Variants in KIF3C observed in about 807,000 individuals in gnomAD.
The protein encoded by KIF3C is kinesin family member 3C, also known as kinesin-like protein KIF3C.
In KIF3C, 12 loss-of-function variants were observed where a neutral mutation model predicts 67.7. The ratio of observed to expected loss-of-function variants is 0.18; its 90% CI spans 0.11 to 0.29. KIF3C has a LOEUF of 0.29. Among genes scored for constraint, KIF3C ranks in the 10% least tolerant of loss-of-function variants. The pLI, the probability that KIF3C is intolerant of heterozygous loss-of-function variation, is 1.00. For synonymous variants in KIF3C, 393 were observed against 426.2 expected (o/e 0.92, Z 0.96); for missense variants, 789 against 1,059.6 (o/e 0.74, Z 3.55).
In KIF3C at chr2:25,935,811, C is replaced by G. The variant is rs1046719068; in HGVS notation, c.2007-5748G>C. On this transcript the variant is annotated intron_variant, in intron 5 of 7. Transcript: ENST00000264712. ...TATGTGGCTCGGCCGGGTGCAGCGG[C>G]TCACGCCTGTAATCCCAGCACTTTG... is the stretch of plus-strand genomic sequence containing the variant. 1.7e-3 allele frequency among the ~76,000 whole-genome samples: 261 copies of G among 152,188 alleles called. 2 individuals carry two copies. Among genetic ancestry groups the G allele is most frequent in the African/African-American group, 5.9e-3 (245 of 41,528 alleles).
intron 1 of KIF3C, among the ~76,000 whole-genome samples, chr2:25,968,006 C>G (rs1664187791): frequency 1.3e-5 from 2 of 152,324 alleles, no homozygotes; most frequent in South Asian, 4.1e-4. Context: ...AAACAACAAT[C>G]TCAACAGACC....
chr2:25,946,237 A>C (rs1663429830), intron 5 of KIF3C, among the ~76,000 whole-genome samples: 1 of 152,208 alleles, frequency 6.6e-6, no homozygotes, highest in African/African-American at 2.4e-5. Flanking sequence ...TCCCTGCTCA[A>C]GGACAGTGGG....
Position 25,940,930 on chromosome 2 carries a change from G to C in KIF3C, c.2006+10859C>G, listed in dbSNP as rs187751472. 4.6e-3 allele frequency among the ~76,000 whole-genome samples: 707 copies of C among 152,142 alleles called. 9 individuals carry two copies. The highest frequency in any genetic ancestry group is 0.016 in the African/African-American group (669 of 41,514). On this transcript the variant is annotated intron_variant, in intron 5 of 7. Transcript: ENST00000264712. Reference sequence around the variant, plus strand: ...AGCCTCCCAAAGTGCTGGGATTACAGGCGTGGGCCACCACACCCGGCCAAA... The same window carrying C: ...AGCCTCCCAAAGTGCTGGGATTACACGCGTGGGCCACCACACCCGGCCAAA...
intron 3 of KIF3C, 114 bp from the exon 4 acceptor site, chr2:25,954,499 A>AGGCT: frequency 1.4e-6 from 1 of 736,810 alleles, no homozygotes; most frequent in Non-Finnish European, 2.3e-6. Flanking sequence ...GCCCAGGATG[A>AGGCT]GGCTGCGGGT....
Position 25,955,646 on chromosome 2 carries a change from C to T in KIF3C, c.1665G>A (p.Glu555=), listed in dbSNP as rs377693646. 4.3e-6 allele frequency: 7 copies of T among 1,614,064 alleles called. No homozygotes were observed. In the African/African-American group the frequency reaches 8.0e-5, roughly 18 times the overall value. ...CCCGGAGCATCATCTCCTGCTGCAT[C>T]TCCCGCTCACGACGTTTCTAGGCCA... ...EIAEQKRRER[E]MQQEMMLRDE... is the part of the protein sequence containing the mutation. Residue 555 remains glutamate (E), a synonymous_variant, in exon 3 of 8, where the codon GAG becomes GAA. Transcript: ENST00000264712. The surrounding 1 kb of genome is among the most constrained non-coding windows in gnomAD (Gnocchi z 5.0).
At position 25,982,263 on chromosome 2, in the gene KIF3C, G is replaced by A; in HGVS notation, c.-346C>T. On this transcript the variant is annotated 5_prime_UTR_variant, in exon 1 of 8. Coordinates refer to ENST00000264712, the MANE Select transcript of KIF3C (RefSeq NM_002254.8). ...CAGCTTCGGCAACAATGAGATAAAG[G>A]AAGAGGAAAATGGGATGGGGGTGGG... 2.4e-6 allele frequency: 1 copy of A among 408,632 alleles called. No homozygotes were observed. Among genetic ancestry groups the A allele is most frequent in the East Asian group, 3.5e-5 (1 of 28,378 alleles). 25.3% of individuals were successfully genotyped at this position (408,632 alleles called of 1,614,324 possible).
At chr2:25,971,871 C>CTTTTTTTTTATTTTTTTTTTTT in intron 1 of KIF3C, among the ~76,000 whole-genome samples, 1 of 53,810 alleles carries the variant, frequency 1.9e-5, no homozygotes, top group Non-Finnish European at 3.7e-5. Context: ...CCATGCCTAG[C>CTTTTTTTTTATTTTTTTTTTTT]TTTTTTTTTT....
At chr2:25,957,181 C>T (rs889969930) in intron 1 of KIF3C, among the ~76,000 whole-genome samples, 1 of 152,198 alleles carries the variant, frequency 6.6e-6, no homozygotes, top group African/African-American at 2.4e-5. Flanking sequence ...TGGTTTCCAT[C>T]CCCCCCTAAG....
rs142768411 is a variant in KIF3C at position 25,936,064 on chromosome 2, A to G, written c.2007-6001T>C. Among the ~76,000 whole-genome samples the G allele has an allele frequency of 1.3e-3, 197 of 152,072 alleles. 1 individual carries two copies. The highest frequency in any genetic ancestry group is 4.4e-3 in the African/African-American group (184 of 41,510). ...ATCACGCCACTACACTCCAGCCTGG[A>G]CAACAGAGTGAGACTCAGTCTCAAA... is the stretch of plus-strand genomic sequence containing the variant. On this transcript the variant is annotated intron_variant, in intron 5 of 7. Transcript: ENST00000264712.
intron 5 of KIF3C, among the ~76,000 whole-genome samples, chr2:25,931,998 G>GTTTTT (rs768781708): frequency 8.8e-6 from 1 of 113,078 alleles, no homozygotes; most frequent in African/African-American, 3.5e-5. Context: ...TGTTTCTTCT[G>GTTTTT]TTTTGTTTTT....
At chr2:25,942,637 C>T (rs928325088) in intron 5 of KIF3C, among the ~76,000 whole-genome samples, 10 of 151,974 alleles carry the variant, frequency 6.6e-5, no homozygotes, top group African/African-American at 2.2e-4. Flanking sequence ...CTCGAACTCC[C>T]GACCTCAGGT....
chr2:25,969,203 G>A (rs1664217179), intron 1 of KIF3C, among the ~76,000 whole-genome samples: 1 of 152,116 alleles, frequency 6.6e-6, no homozygotes, highest in Non-Finnish European at 1.5e-5. Context: ...ACCAATAACT[G>A]AGTATAATTG....
intron 5 of KIF3C, among the ~76,000 whole-genome samples, chr2:25,947,453 C>T (rs182713166): frequency 0.094 from 14,279 of 151,480 alleles, 765 homozygotes; most frequent in African/African-American, 0.13. Flanking sequence ...TGGTGGCAGG[C>T]ACCTGTAGTC....
At chr2:25,938,531 AG>A (rs1352291485) in intron 5 of KIF3C, among the ~76,000 whole-genome samples, 1 of 152,174 alleles carries the variant, frequency 6.6e-6, no homozygotes, top group Non-Finnish European at 1.5e-5. Context: ...AACAGGACAG[AG>A]GGACAGGGCT....
At chr2:25,948,872 AGT>A (rs138922067) in intron 5 of KIF3C, among the ~76,000 whole-genome samples, 3,581 of 152,252 alleles carry the variant, frequency 0.024, 61 homozygotes, top group Non-Finnish European at 0.034. Flanking sequence ...AAAATTGCAG[AGT>A]GTTTTGAGAA....
At chr2:25,930,129 G>A in intron 5 of KIF3C, 66 bp from the exon 6 acceptor site, 2 of 1,291,742 alleles carry the variant, frequency 1.5e-6, no homozygotes, top group Non-Finnish European at 2.3e-6. Context: ...ACATCATGAG[G>A]ACCTAAATAT....
intron 1 of KIF3C, among the ~76,000 whole-genome samples, chr2:25,975,914 C>T (rs527496856): frequency 5.4e-4 from 82 of 151,956 alleles, no homozygotes; most frequent in African/African-American, 1.8e-3. Context: ...GCCGAGATCA[C>T]GCCACTGCAC....
At chr2:25,948,687 AAAGGAAGGAAAG>A (rs1329035503) in intron 5 of KIF3C, among the ~76,000 whole-genome samples, 20 of 149,580 alleles carry the variant, frequency 1.3e-4, no homozygotes, top group African/African-American at 3.7e-4. Flanking sequence ...AGAAAGAAAG[AAAGGAAGGAAAG>A]AAGGAAGGAA....
intron 5 of KIF3C, chr2:25,938,363 A>AG (rs1257669241): frequency 2.5e-6 from 1 of 397,276 alleles, no homozygotes; most frequent in Non-Finnish European, 5.0e-6. Flanking sequence ...GTCTCAAAAA[A>AG]AAAAAAAAAT....
Sources: allele counts gnomAD v4.1 joint callset (sites outside exome capture counted in the v4.1 genomes callset), GRCh38; gene constraint gnomAD v4.1.1; non-coding constraint Gnocchi (gnomAD v3.1); transcripts MANE v1.5; gene names NCBI Gene and HGNC (gene_info 2026-07-23, HGNC 2026-07-21).